The following CFHR2 variants were observed in gnomAD, a reference collection of about 807,000 sequenced individuals.
CFHR2 encodes complement factor H related 2.
In CFHR2, 22 loss-of-function variants were observed where a neutral mutation model predicts 21.7. That is an observed-to-expected ratio of 1.01 (90% CI 0.72 to 1.45). CFHR2 has a LOEUF of 1.45. Among genes scored for constraint, CFHR2 ranks in the 40% most tolerant of loss-of-function variants. The pLI, the probability that CFHR2 is intolerant of heterozygous loss-of-function variation, is 0.00. For synonymous variants in CFHR2, 98 were observed against 97.4 expected (o/e 1.01, Z -0.04); for missense variants, 294 against 293.3 (o/e 1.00, Z -0.02).
chr1:196,958,921 CAT>C lies in CFHR2; in HGVS notation c.656_657del (p.Ile219LysfsTer16), dbSNP rs558048038. 2.3e-4 allele frequency: 363 copies of C among 1,597,048 alleles called. 1 individual carries two copies. In the East Asian group the frequency reaches 6.1e-3, roughly 27 times the overall value. On this transcript the variant is annotated frameshift_variant, in exon 5 of 5. Transcript: ENST00000367415. LOFTEE classifies it low-confidence loss of function (END_TRUNC). ...CACAAGAAATTATGGAAAAATATAA[CAT>C]AAAATTAAAGTGGACAAACCAACAA... ...ISQEIMEKYN[I>X]KLKWTNQQKL... is the part of the protein sequence containing the mutation.
intron 3 of CFHR2, among the ~76,000 whole-genome samples, chr1:196,957,050 C>T (rs767763767): frequency 5.9e-5 from 9 of 152,064 alleles, no homozygotes; most frequent in Non-Finnish European, 8.8e-5. Context: ...TGGTCATTGG[C>T]TTCTTAGGAT....
chr1:196,951,710 G>T (rs368654322), intron 3 of CFHR2, among the ~76,000 whole-genome samples: 38 of 152,072 alleles, frequency 2.5e-4, no homozygotes, highest in East Asian at 7.7e-4. Context: ...AACTTCTATA[G>T]CTCTTTCTCT....
chr1:196,956,428 G>T (rs2125013598), intron 3 of CFHR2, among the ~76,000 whole-genome samples: 1 of 152,288 alleles, frequency 6.6e-6, no homozygotes, highest in South Asian at 2.1e-4. Context: ...AGTCTGGGAA[G>T]TGTTCAGTCA....
chr1:196,950,829 A>G lies in CFHR2; in HGVS notation c.254-23A>G, dbSNP rs771400395. On this transcript the variant is annotated intron_variant, in intron 2 of 4. Transcript: ENST00000367415. ...TTTCTTTGCTACTTCCATCTTGTCT[A>G]TTAATCTGTTTTTGGTCTTTAGGAC... The G allele has an allele frequency of 2.7e-5, 44 of 1,611,596 alleles. No individual in the cohort carries two copies. The South Asian group carries it at 4.3e-4, about 16-fold the overall frequency.
At chr1:196,948,716 T>C (rs1659613710) in intron 1 of CFHR2, among the ~76,000 whole-genome samples, 1 of 152,146 alleles carries the variant, frequency 6.6e-6, no homozygotes, top group Non-Finnish European at 1.5e-5. Flanking sequence ...TTTCCGAATA[T>C]TTTTGATCTG....
intron 1 of CFHR2, among the ~76,000 whole-genome samples, chr1:196,947,798 A>G (rs1414409541): frequency 3.3e-5 from 5 of 152,190 alleles, no homozygotes; most frequent in East Asian, 1.9e-4. Context: ...ACTCAAAGAT[A>G]AAGTATATCA....
intron 3 of CFHR2, among the ~76,000 whole-genome samples, chr1:196,952,286 A>G (rs1047584860): frequency 1.3e-5 from 2 of 152,118 alleles, no homozygotes; most frequent in Non-Finnish European, 2.9e-5. Context: ...CACTAAATTT[A>G]CACTTCTAGA....
intron 1 of CFHR2, among the ~76,000 whole-genome samples, chr1:196,946,873 GTCA>G (rs1454603801): frequency 6.6e-6 from 1 of 152,052 alleles, no homozygotes; most frequent in Admixed American, 6.6e-5. Context: ...CTTCTATATT[GTCA>G]TCATCAAGTA....
In CFHR2 at chr1:196,951,021, G is replaced by T. The variant is rs142929868; in HGVS notation, c.423G>T (p.Arg141Ser). The T allele has an allele frequency of 1.2e-3, 1,900 of 1,613,962 alleles. 19 individuals are homozygous for T. The highest frequency in any genetic ancestry group is 9.4e-4 in the East Asian group (42 of 44,864). Reference sequence around the variant, plus strand: ...GCTGGTCCACTCCTCCCAAATGCAGGTCCACTAGTAAGTGCAATGTTGTTC... The same window carrying T: ...GCTGGTCCACTCCTCCCAAATGCAGTTCCACTAGTAAGTGCAATGTTGTTC... ...ERGWSTPPKCRSTISAEKCGP... is the reference protein window; with the variant it reads ...ERGWSTPPKCSSTISAEKCGP... Residue 141 changes from arginine to serine, a missense_variant, in exon 3 of 5, where the codon AGG (arginine) becomes AGT (serine). Physicochemically the swap from Arg to Ser is moderately radical, Grantham distance 110. Coordinates refer to ENST00000367415, the MANE Select transcript of CFHR2 (RefSeq NM_005666.4).
chr1:196,951,537 GA>G (rs1347610820), intron 3 of CFHR2, among the ~76,000 whole-genome samples: 1 of 152,030 alleles, frequency 6.6e-6, no homozygotes, highest in African/African-American at 2.4e-5. Context: ...GATTCTTTTG[GA>G]AACCTGTGGT....
intron 1 of CFHR2, among the ~76,000 whole-genome samples, chr1:196,948,335 G>T (rs1245576520): frequency 6.6e-6 from 1 of 152,020 alleles, no homozygotes. Context: ...GTGTTTAGTG[G>T]CATGATCTCG....
intron 3 of CFHR2, among the ~76,000 whole-genome samples, chr1:196,956,620 A>T (rs1050843140): frequency 6.6e-6 from 1 of 152,034 alleles, no homozygotes. Flanking sequence ...TTCATCTGTC[A>T]TCTCCCAGTG....
Position 196,956,188 on chromosome 1 carries a change from G to A in CFHR2, c.431-1703G>A, listed in dbSNP as rs577584280. ...ACACAAAGCCTAACTATATCAGGTG[G>A]CAAGTATGTGCAATAAATGATGTGA... On this transcript the variant is annotated intron_variant, in intron 3 of 4. Coordinates refer to ENST00000367415, the MANE Select transcript of CFHR2 (RefSeq NM_005666.4). Among the ~76,000 whole-genome samples, 3 of 152,282 alleles carry A rather than the reference G, an allele frequency of 2.0e-5. No individual in the cohort carries two copies. The East Asian group carries it at 5.8e-4, about 29-fold the overall frequency.
intron 3 of CFHR2, among the ~76,000 whole-genome samples, chr1:196,955,833 C>T (rs1009859469): frequency 8.6e-5 from 13 of 151,810 alleles, no homozygotes; most frequent in South Asian, 2.1e-4. Context: ...GGTGACAGAG[C>T]GAGACTCTGT....
intron 3 of CFHR2, among the ~76,000 whole-genome samples, chr1:196,956,697 T>C (rs1652895413): frequency 1.3e-5 from 2 of 152,150 alleles, no homozygotes; most frequent in Non-Finnish European, 2.9e-5. Context: ...TAATTCCTAT[T>C]GGATTTTTTA....
Position 196,945,068 on chromosome 1 carries a change from G to A in CFHR2, c.58+1130G>A, listed in dbSNP as rs1252146990. Among the ~76,000 whole-genome samples the A allele has an allele frequency of 1.4e-5, 2 of 144,924 alleles. 1 individual carries two copies. Among genetic ancestry groups the A allele is most frequent in the Non-Finnish European group, 3.1e-5 (2 of 64,998 alleles). The stretch of plus-strand genomic sequence containing the variant: ...ATTTTGTATTTTTAGTAGAGATGGG[G>A]TTTCTCCATGTTGGTCAGGCTGGTC... On this transcript the variant is annotated intron_variant, in intron 1 of 4. Coordinates refer to ENST00000367415, the MANE Select transcript of CFHR2 (RefSeq NM_005666.4).
chr1:196,955,705 G>T (rs1222139920), intron 3 of CFHR2, among the ~76,000 whole-genome samples: 1 of 125,866 alleles, frequency 7.9e-6, no homozygotes, highest in Admixed American at 7.4e-5. Context: ...AAAATTAGCT[G>T]GGCATGGTGG....
intron 3 of CFHR2, among the ~76,000 whole-genome samples, chr1:196,954,259 A>T (rs1376801489): frequency 6.6e-6 from 1 of 152,210 alleles, no homozygotes; most frequent in African/African-American, 2.4e-5. Context: ...TTAAATCTTA[A>T]ATCTCCATAA....
intron 1 of CFHR2, among the ~76,000 whole-genome samples, chr1:196,944,954 A>T (rs1659422604): frequency 6.7e-6 from 1 of 149,366 alleles, no homozygotes; most frequent in South Asian, 2.2e-4. Context: ...TCGGCTCACC[A>T]CAACTTCCAT....
Sources: gnomAD v4.1 joint callset for allele counts (sites outside exome capture counted in the v4.1 genomes callset) on GRCh38, gnomAD v4.1.1 for gene constraint, MANE v1.5 for transcripts, NCBI Gene and HGNC (gene_info 2026-07-23, HGNC 2026-07-21) for gene names.